The following LINS1 variants were observed in gnomAD, a reference collection of about 807,000 sequenced individuals.
LINS1 encodes the protein protein Lines homolog 1.
LINS1 carries 27 observed loss-of-function variants against 41.6 expected under a neutral mutation model. That is an observed-to-expected ratio of 0.65 (90% confidence interval 0.48 to 0.89). LINS1 has a LOEUF of 0.89. Ranked by LOEUF, LINS1 falls within the 40% of genes least tolerant of loss-of-function variation. The pLI is 0.00. For synonymous variants in LINS1, 336 were observed against 312.9 expected, an observed-to-expected ratio of 1.07 and a Z score of -0.78; for missense variants, 955 against 884.1, an observed-to-expected ratio of 1.08 and a Z score of -1.02.
At chr15:100,574,449 T>A (rs537882414) in intron 4 of LINS1, among the ~76,000 whole-genome samples, 1 of 152,258 alleles carries the variant, frequency 6.6e-6, no homozygotes, top group Admixed American at 6.5e-5. Context: ...GGCTCACAAC[T>A]GTAATCCCAG....
chr15:100,574,938 G>A (rs199681567), intron 4 of LINS1, 49 bp downstream of exon 4: 35 of 1,585,290 alleles, frequency 2.2e-5, no homozygotes, highest in Admixed American at 6.7e-5. Context: ...TAAATGCAAC[G>A]CTCCCAGGAG....
chr15:100,580,227 A>G, intron 3 of LINS1, 36 bp downstream of exon 3: 1 of 1,442,266 alleles, frequency 6.9e-7, no homozygotes, highest in Non-Finnish European at 9.6e-7. Flanking sequence ...AAATTAAGAA[A>G]GAGAAATAAT....
intron 1 of LINS1, among the ~76,000 whole-genome samples, chr15:100,593,364 G>A (rs1046120389): frequency 6.6e-6 from 1 of 152,096 alleles, no homozygotes; most frequent in Admixed American, 6.5e-5. Flanking sequence ...TGAAGCCTCT[G>A]TTTATTTTTT....
Position 100,580,706 on chromosome 15 carries a change from G to T in LINS1, c.137C>A (p.Ser46Tyr). 6.2e-7 allele frequency: 1 copy of T among 1,613,396 alleles called. No homozygotes were observed. Among genetic ancestry groups the T allele is most frequent in the South Asian group, 1.1e-5 (1 of 91,042 alleles). The change falls in exon 2 of 7, where the codon TCC becomes TAC. Residue 46 changes from serine (S) to tyrosine (Y), a missense_variant. Coordinates refer to ENST00000314742, the MANE Select transcript of LINS1 (RefSeq NM_001040616.3). ...ACCACAGGTGTTTGCCCATTCTAAG[G>T]AGGTGGCTGTAGAACAATCTTGATC... ...VSDQDCSTATSLEWANTCGIQ... is the reference protein window; with the variant it reads ...VSDQDCSTATYLEWANTCGIQ...
chr15:100,572,811 ATTTC>A lies in LINS1; in HGVS notation c.1223-750_1223-747del, dbSNP rs568444184. 3.1e-4 allele frequency: 286 copies of A among 934,864 alleles called. 4 individuals are homozygous for A. In the South Asian group the frequency reaches 3.6e-3, roughly 12 times the overall value. 57.9% of individuals were successfully genotyped at this position (934,864 alleles called of 1,614,324 possible). ...TATTCTGGAAATTATATATGTAACA[ATTTC>A]TTTGTCAATATAACTTCTCATATAT... On this transcript the variant is annotated intron_variant, in intron 5 of 6. Coordinates refer to ENST00000314742, the MANE Select transcript of LINS1 (RefSeq NM_001040616.3).
At chr15:100,573,509 T>G (rs76497927) in intron 5 of LINS1, 142 bp downstream of exon 5, 3 of 757,308 alleles carry the variant, frequency 4.0e-6, no homozygotes, top group Non-Finnish European at 6.0e-6. Context: ...TTTTTTTTTT[T>G]GAAAATGTAA....
rs1040616035 is a variant in LINS1 at position 100,567,557 on chromosome 15, G to T, written c.*1681C>A. The stretch of plus-strand genomic sequence containing the variant: ...ATGTATTTACTTGTTTTTTACTGGA[G>T]ATGTTTCACATCCACAAACGTGCAT... On this transcript the variant is annotated 3_prime_UTR_variant, in exon 7 of 7. Transcript: ENST00000314742. 1.3e-5 allele frequency: 2 copies of T among 152,126 alleles called. No homozygotes were observed. Among genetic ancestry groups the T allele is most frequent in the African/African-American group, 4.8e-5 (2 of 41,416 alleles). The allele number at this position is 152,126 out of a possible 1,614,324, so 9.4% of individuals were successfully genotyped here.
In LINS1 at chr15:100,569,434, AAGG is replaced by A. The variant is rs748337027; in HGVS notation, c.2075_2077del (p.Ser692del). The A allele has an allele frequency of 6.8e-6, 11 of 1,614,046 alleles. No individual in the cohort carries two copies. Among genetic ancestry groups the A allele is most frequent in the South Asian group, 4.4e-5 (4 of 91,082 alleles). ...ATCATTTGGGGCTACTTCACAATCA[AAGG>A]AGAAGGCAGTATCAAATTCTTTCAG... is the stretch of plus-strand genomic sequence containing the variant. On this transcript the variant is annotated inframe_deletion, in exon 7 of 7. Transcript: ENST00000314742.
At chr15:100,571,022 G>A (rs995985085) in intron 6 of LINS1, among the ~76,000 whole-genome samples, 1 of 152,166 alleles carries the variant, frequency 6.6e-6, no homozygotes, top group Non-Finnish European at 1.5e-5. Flanking sequence ...ACAGGCGTGT[G>A]CATTTTCAGA....
Position 100,569,739 on chromosome 15 carries a change from G to A in LINS1, c.1773C>T (p.Ser591=). The change falls in exon 7 of 7, where the codon TCC becomes TCT. Residue 591 remains serine, a synonymous_variant. Transcript: ENST00000314742. ...HSHRDVCARH[S]WASDAPSEPL... is the part of the protein sequence containing the mutation. Reference sequence around the variant, plus strand: ...GTTCAGAGGGAGCATCGGAAGCCCAGGAGTGCCGAGCACACACATCTCTGT... The same window carrying A: ...GTTCAGAGGGAGCATCGGAAGCCCAAGAGTGCCGAGCACACACATCTCTGT... The A allele has an allele frequency of 6.2e-7, 1 of 1,613,802 alleles. No individual in the cohort carries two copies. Among genetic ancestry groups the A allele is most frequent in the Middle Eastern group, 1.7e-4 (1 of 6,058 alleles).
intron 1 of LINS1, among the ~76,000 whole-genome samples, chr15:100,601,920 G>T (rs556739407): frequency 6.6e-6 from 1 of 152,198 alleles, no homozygotes; most frequent in Non-Finnish European, 1.5e-5. Flanking sequence ...GAAGCTAACG[G>T]GGTCTCAAGG....
At chr15:100,570,138 G>A (rs1232962931) in intron 6 of LINS1, 21 bp from the exon 7 acceptor site, 1 of 1,570,470 alleles carries the variant, frequency 6.4e-7, no homozygotes, top group East Asian at 2.2e-5. Flanking sequence ...AGATAATGGA[G>A]AATGCAGATT....
At chr15:100,600,551 C>CAAACAAAAAAAAA (rs2039436800) in intron 1 of LINS1, among the ~76,000 whole-genome samples, 1 of 79,674 alleles carries the variant, frequency 1.3e-5, no homozygotes, top group Non-Finnish European at 2.2e-5. Context: ...TGCTGTTAAG[C>CAAACAAAAAAAAA]AAAAAAAAAA....
chr15:100,571,976 G>A lies in LINS1; in HGVS notation c.1312C>T (p.Leu438=), dbSNP rs764337621. ...TCTTGTTCTATGAAAACCCGAGACA[G>A]CCATTTGCACGGATTGTGTAATTGC... ...SLQLHNPCKW[L]SRVFIEQDDD... The change falls in exon 6 of 7, where the codon CTG becomes TTG. Residue 438 remains leucine (L), a synonymous_variant. Coordinates refer to ENST00000314742, the MANE Select transcript of LINS1 (RefSeq NM_001040616.3). 6.2e-7 allele frequency: 1 copy of A among 1,614,234 alleles called. No individual in the cohort carries two copies. The highest frequency in any genetic ancestry group is 2.2e-5 in the East Asian group (1 of 44,882).
intron 1 of LINS1, among the ~76,000 whole-genome samples, chr15:100,585,451 G>C (rs1211537541): frequency 6.6e-6 from 1 of 152,238 alleles, no homozygotes; most frequent in Non-Finnish European, 1.5e-5. Context: ...TGGTTAACAT[G>C]TGATGCTCTC....
intron 1 of LINS1, among the ~76,000 whole-genome samples, chr15:100,599,997 C>T (rs922536141): frequency 1.3e-5 from 2 of 152,094 alleles, no homozygotes; most frequent in African/African-American, 4.8e-5. Flanking sequence ...ACCTGGGAGG[C>T]GGAGGTTGCA....
At position 100,570,125 on chromosome 15, in the gene LINS1, T is replaced by C. The variant is rs778928590; in HGVS notation, c.1395-8A>G. The C allele has an allele frequency of 3.9e-5, 61 of 1,582,616 alleles. No individual in the cohort carries two copies. Among genetic ancestry groups the C allele is most frequent in the Admixed American group, 1.0e-4 (6 of 57,478 alleles). The stretch of plus-strand genomic sequence containing the variant: ...TCAGTGGCTTCACATCCTCTGAAAA[T>C]GAAGATAATGGAGAATGCAGATTAA... On this transcript the variant is annotated splice_region_variant and splice_polypyrimidine_tract_variant and intron_variant, in intron 6 of 6. Transcript: ENST00000314742.
At chr15:100,596,164 G>C (rs182032732) in intron 1 of LINS1, among the ~76,000 whole-genome samples, 2 of 152,162 alleles carry the variant, frequency 1.3e-5, no homozygotes, top group African/African-American at 2.4e-5. Flanking sequence ...AGGGCTAAAG[G>C]GGGTGCTGGC....
At chr15:100,591,851 C>T (rs2039053131) in intron 1 of LINS1, among the ~76,000 whole-genome samples, 1 of 152,174 alleles carries the variant, frequency 6.6e-6, no homozygotes, top group African/African-American at 2.4e-5. Context: ...CCCAAGCCAG[C>T]ATGAAGCAGT....
Sources: gnomAD v4.1 joint callset for allele counts (sites outside exome capture counted in the v4.1 genomes callset) on GRCh38, gnomAD v4.1.1 for gene constraint, MANE v1.5 for transcripts, NCBI Gene and HGNC (gene_info 2026-07-23, HGNC 2026-07-21) for gene names.